SUMF1: variants seen among roughly 807,000 people sequenced by gnomAD.
SUMF1 encodes the protein sulfatase modifying factor 1.
Under a neutral mutation model 47.6 loss-of-function variants are expected in SUMF1, and 48 were observed. The ratio of observed to expected loss-of-function variants is 1.01; its 90% CI spans 0.80 to 1.28. The LOEUF is 1.28. Ranked by LOEUF, SUMF1 falls within the 50% of genes most tolerant of loss-of-function variation. The pLI is 0.00. For synonymous variants in SUMF1, 230 were observed against 192.1 expected (o/e 1.20, Z -1.63); for missense variants, 571 against 485.4 (o/e 1.18, Z -1.66).
intron 7 of SUMF1, among the ~76,000 whole-genome samples, chr3:4,377,419 A>G (rs1700364058): frequency 6.6e-6 from 1 of 152,130 alleles, no homozygotes; most frequent in South Asian, 2.1e-4. Context: ...TCTCCATCCA[A>G]CCTTGGAGGT....
chr3:4,300,758 G>C (rs1398223490), intron 8 of SUMF1, among the ~76,000 whole-genome samples: 1 of 152,118 alleles, frequency 6.6e-6, no homozygotes. Context: ...AAAGAAAACA[G>C]ATCATGATAT....
At chr3:4,063,413 C>T (rs1002915057) in intron 9 of SUMF1, among the ~76,000 whole-genome samples, 3 of 152,014 alleles carry the variant, frequency 2.0e-5, no homozygotes, top group Admixed American at 1.3e-4. Context: ...ATGTACAGAG[C>T]CAAATTCTAC....
At chr3:4,288,993 A>G (rs1041882026) in intron 8 of SUMF1, among the ~76,000 whole-genome samples, 2 of 152,212 alleles carry the variant, frequency 1.3e-5, no homozygotes, top group Admixed American at 6.5e-5. Context: ...TACCAACTCC[A>G]TCTCTTTATT....
chr3:4,397,729 T>A (rs543718291), intron 7 of SUMF1, among the ~76,000 whole-genome samples: 1 of 152,262 alleles, frequency 6.6e-6, no homozygotes, highest in South Asian at 2.1e-4. Flanking sequence ...GAAAGAAGTG[T>A]TATTTATAAT....
In SUMF1 at chr3:4,113,429, T is replaced by C. The variant is rs1015617570; in HGVS notation, c.1015-44684A>G. 2.0e-5 allele frequency among the ~76,000 whole-genome samples: 3 copies of C among 151,964 alleles called. 1 individual carries two copies. The highest frequency in any genetic ancestry group is 7.3e-5 in the African/African-American group (3 of 41,340). ...CTGTAGTCCCAGCTATGTGGGGGGC[T>C]GAGGCAGGAGGATTCCCTGAGCCAG... On this transcript the variant is annotated intron_variant and NMD_transcript_variant, in intron 8 of 12. Transcript: ENST00000448413.
At chr3:4,171,657 C>T (rs1694834703) in intron 8 of SUMF1, among the ~76,000 whole-genome samples, 4 of 152,132 alleles carry the variant, frequency 2.6e-5, no homozygotes, top group Admixed American at 2.6e-4. Context: ...CAACATTGCC[C>T]TGGCCCAAAA....
intron 3 of SUMF1, among the ~76,000 whole-genome samples, chr3:4,432,948 C>T (rs749841498): frequency 5.3e-5 from 8 of 152,180 alleles, no homozygotes; most frequent in South Asian, 2.1e-4. Flanking sequence ...GACCCTCTTC[C>T]GCATAAACAT....
At chr3:4,317,322 A>G (rs979738097) in intron 8 of SUMF1, 9 of 860,096 alleles carry the variant, frequency 1.0e-5, no homozygotes, top group African/African-American at 3.4e-5. Context: ...CACCAACCCA[A>G]TATCTTCATA....
intron 7 of SUMF1, among the ~76,000 whole-genome samples, chr3:4,377,071 G>A (rs1414284306): frequency 1.3e-5 from 2 of 152,118 alleles, no homozygotes; most frequent in Non-Finnish European, 2.9e-5. Flanking sequence ...AAAGTGCTGG[G>A]ATTACAGGCA....
At chr3:4,203,022 T>C (rs887924485) in intron 8 of SUMF1, among the ~76,000 whole-genome samples, 36 of 152,100 alleles carry the variant, frequency 2.4e-4, no homozygotes, top group African/African-American at 7.9e-4. Flanking sequence ...GAATTATCCA[T>C]GTACTGAGGA....
At chr3:4,071,118 G>T (rs745660547) in intron 8 of SUMF1, among the ~76,000 whole-genome samples, 2 of 152,050 alleles carry the variant, frequency 1.3e-5, no homozygotes, top group African/African-American at 4.8e-5. Context: ...AGTAATTTTG[G>T]TGATTCTACA....
chr3:4,068,396 G>A (rs1435482666), intron 9 of SUMF1, among the ~76,000 whole-genome samples: 8 of 151,978 alleles, frequency 5.3e-5, no homozygotes, highest in Non-Finnish European at 1.5e-5. Context: ...TTTTAAATTT[G>A]AGCCACATTT....
At chr3:4,099,335 T>C (rs984763774) in intron 8 of SUMF1, among the ~76,000 whole-genome samples, 1 of 152,162 alleles carries the variant, frequency 6.6e-6, no homozygotes, top group Non-Finnish European at 1.5e-5. Flanking sequence ...TGATCCATCA[T>C]ATTCACAGAG....
chr3:4,378,066 G>A (rs185478256), intron 7 of SUMF1, among the ~76,000 whole-genome samples: 2 of 152,292 alleles, frequency 1.3e-5, no homozygotes, highest in East Asian at 3.9e-4. Context: ...ATGCTCCTTA[G>A]CATGGGATTA....
At chr3:4,060,629 T>C (rs777975221) in intron 9 of SUMF1, among the ~76,000 whole-genome samples, 2 of 152,168 alleles carry the variant, frequency 1.3e-5, no homozygotes, top group Non-Finnish European at 2.9e-5. Flanking sequence ...CTATGTGGAA[T>C]AAAGACCAAT....
chr3:4,105,789 G>A (rs1220019949), intron 8 of SUMF1, among the ~76,000 whole-genome samples: 1 of 151,990 alleles, frequency 6.6e-6, no homozygotes, highest in Admixed American at 6.6e-5. Flanking sequence ...ATCATAAATT[G>A]AATATGCATT....
At chr3:4,301,297 G>C (rs1213719198) in intron 8 of SUMF1, among the ~76,000 whole-genome samples, 1 of 152,106 alleles carries the variant, frequency 6.6e-6, no homozygotes, top group East Asian at 1.9e-4. Flanking sequence ...ACAGAACAAG[G>C]GGTTCCAACA....
chr3:4,133,194 C>G lies in SUMF1; in HGVS notation c.1015-64449G>C, dbSNP rs138131413. ...ACTAAGAAAAATCTTCATTTTATTT[C>G]CTTTCTCCTTTATCATGTGACATAA... On this transcript the variant is annotated intron_variant and NMD_transcript_variant, in intron 8 of 12. Coordinates refer to the SUMF1 transcript ENST00000448413. 6.6e-5 allele frequency among the ~76,000 whole-genome samples: 10 copies of G among 152,208 alleles called. No individual in the cohort carries two copies. The East Asian group carries it at 1.9e-3, about 29-fold the overall frequency.
rs76302681 is a variant in SUMF1, at chr3:4,422,791, G to T, written c.520-2645C>A. On this transcript the variant is annotated intron_variant, in intron 3 of 8. Coordinates refer to ENST00000272902, the MANE Select transcript of SUMF1 (RefSeq NM_182760.4). Reference sequence around the variant, plus strand: ...CCTTTTTTTTTTTAAAAAAAATTATGTATTTATTTTTTAACTTTTTATTTC... The same window carrying T: ...CCTTTTTTTTTTTAAAAAAAATTATTTATTTATTTTTTAACTTTTTATTTC... 6.7e-3 allele frequency among the ~76,000 whole-genome samples: 1,014 copies of T among 151,704 alleles called. 16 individuals are homozygous for T. The highest frequency in any genetic ancestry group is 0.023 in the African/African-American group (967 of 41,322).
Sources: gnomAD v4.1 joint callset for allele counts (sites outside exome capture counted in the v4.1 genomes callset) on GRCh38, gnomAD v4.1.1 for gene constraint, MANE v1.5 for transcripts, NCBI Gene and HGNC (gene_info 2026-07-23, HGNC 2026-07-21) for gene names.